The following FZD3 variants were observed in gnomAD, a reference collection of about 807,000 sequenced individuals.
FZD3 encodes frizzled class receptor 3.
In FZD3, 30 loss-of-function variants were observed where a neutral mutation model predicts 60.7. The ratio of observed to expected loss-of-function variants is 0.49; its 90% CI spans 0.37 to 0.67. The LOEUF is 0.67. Among genes scored for constraint, FZD3 ranks in the 30% least tolerant of loss-of-function variants. The pLI, the probability that FZD3 is intolerant of heterozygous loss-of-function variation, is 0.00. For synonymous variants in FZD3, 246 were observed against 275.2 expected (o/e 0.89, Z 1.05); for missense variants, 605 against 838.7 (o/e 0.72, Z 3.44).
rs764506016 is a variant in FZD3 at position 28,562,882 on chromosome 8, T to C, written c.1872T>C (p.Ser624=). ...GACTAACAGATCACTCCAGGCATAG[T>C]AGTTCTCATCGGCTCAATGAACAGT... ...MSRLTDHSRH[S]SSHRLNEQSR... The change falls in exon 8 of 8, where the codon AGT becomes AGC. Residue 624 remains serine (S), a synonymous_variant. Coordinates refer to ENST00000240093, the MANE Select transcript of FZD3 (RefSeq NM_017412.4). 53 of 1,613,392 alleles carry C rather than the reference T, an allele frequency of 3.3e-5. No homozygotes were observed. Among genetic ancestry groups the C allele is most frequent in the Non-Finnish European group, 4.2e-5 (50 of 1,179,492 alleles).
At chr8:28,550,989 C>T (rs1805398804) in intron 5 of FZD3, among the ~76,000 whole-genome samples, 1 of 152,112 alleles carries the variant, frequency 6.6e-6, no homozygotes, top group South Asian at 2.1e-4. Flanking sequence ...AGTTCATCTA[C>T]ATCACCACTG....
intron 5 of FZD3, among the ~76,000 whole-genome samples, chr8:28,541,312 G>A (rs934125487): frequency 2.6e-5 from 4 of 152,192 alleles, no homozygotes; most frequent in African/African-American, 9.7e-5. Context: ...GGGCAGTGCT[G>A]ACTTGTCTTT....
In FZD3 at chr8:28,567,606, G is replaced by A. The variant is rs1253728669; in HGVS notation, c.*4595G>A. On this transcript the variant is annotated 3_prime_UTR_variant, in exon 8 of 8. Transcript: ENST00000240093. ...TACCATTTGGTTTTGTTAGAATTTGGGGGGGCTATAGAAAACAAGGTTACA... is the reference window on the plus strand; with the variant it reads ...TACCATTTGGTTTTGTTAGAATTTGAGGGGGCTATAGAAAACAAGGTTACA... 3 of 152,106 alleles carry A rather than the reference G, an allele frequency of 2.0e-5. No homozygotes were observed. Among genetic ancestry groups the A allele is most frequent in the African/African-American group, 4.8e-5 (2 of 41,392 alleles). The allele number at this position is 152,106 out of a possible 1,614,324, so 9.4% of individuals were successfully genotyped here.
intron 5 of FZD3, among the ~76,000 whole-genome samples, chr8:28,535,881 A>C (rs1480208434): frequency 6.6e-6 from 1 of 152,164 alleles, no homozygotes; most frequent in Non-Finnish European, 1.5e-5. Flanking sequence ...CAGTTTTCAA[A>C]GATTCTTGAT....
chr8:28,506,629 G>A (rs1804148221), intron 3 of FZD3, among the ~76,000 whole-genome samples: 1 of 152,048 alleles, frequency 6.6e-6, no homozygotes, highest in Non-Finnish European at 1.5e-5. Context: ...AATGGTTTGT[G>A]TTTGCCTCCG....
Position 28,527,919 on chromosome 8 carries a change from G to A in FZD3, c.1159G>A (p.Val387Ile). ...CCTCTGCCTGTATGTGGTAGTTGGG[G>A]TTTCTCTCCTCTTAGCTGGCATTAT... The part of the protein sequence containing the change: ...APLCLYVVVG[V>I]SLLLAGIISL... The change falls in exon 5 of 8, where the codon GTT becomes ATT. Residue 387 changes from valine (V) to isoleucine (I), a missense_variant. Coordinates refer to ENST00000240093, the MANE Select transcript of FZD3 (RefSeq NM_017412.4). This position sits in a 1 kb window ranked among gnomAD's most constrained non-coding sequence, Gnocchi z 5.0. 6.2e-7 allele frequency: 1 copy of A among 1,614,036 alleles called. No individual in the cohort carries two copies. Among genetic ancestry groups the A allele is most frequent in the South Asian group, 1.1e-5 (1 of 91,084 alleles).
At chr8:28,532,763 A>G (rs888988232) in intron 5 of FZD3, among the ~76,000 whole-genome samples, 2 of 152,038 alleles carry the variant, frequency 1.3e-5, no homozygotes, top group African/African-American at 2.4e-5. Context: ...TTGAACTCCT[A>G]TTAGTTCTGA....
intron 5 of FZD3, among the ~76,000 whole-genome samples, chr8:28,550,002 C>T (rs1805374874): frequency 6.6e-6 from 1 of 152,016 alleles, no homozygotes; most frequent in Admixed American, 6.6e-5. Flanking sequence ...TTTATGGAGG[C>T]TTTGTTAAGT....
At chr8:28,521,236 CT>C (rs36001587) in intron 4 of FZD3, among the ~76,000 whole-genome samples, 1 of 151,974 alleles carries the variant, frequency 6.6e-6, no homozygotes, top group Non-Finnish European at 1.5e-5. Flanking sequence ...TCTGTCATTT[CT>C]TTTTTTCTGT....
intron 5 of FZD3, among the ~76,000 whole-genome samples, chr8:28,541,576 T>C (rs1805167982): frequency 6.6e-6 from 1 of 152,212 alleles, no homozygotes; most frequent in Admixed American, 6.5e-5. Flanking sequence ...GCTCTCTGTT[T>C]TCTTTCCTTT....
intron 7 of FZD3, among the ~76,000 whole-genome samples, chr8:28,560,641 A>G (rs974786502): frequency 1.3e-5 from 2 of 152,180 alleles, no homozygotes; most frequent in Non-Finnish European, 1.5e-5. Context: ...AGATAACTTT[A>G]TATCATTACT....
chr8:28,527,950 T>C lies in FZD3; in HGVS notation c.1190T>C (p.Leu397Pro), dbSNP rs748169720. ...CTCCTCTTAGCTGGCATTATATCCC[T>C]AAACAGAGTTCGAATTGAGATTCCA... ...VSLLLAGIISLNRVRIEIPLE... is the reference protein window; with the variant it reads ...VSLLLAGIISPNRVRIEIPLE... The change falls in exon 5 of 8, where the codon CTA becomes CCA. Residue 397 changes from leucine (L) to proline (P), a missense_variant. Coordinates refer to ENST00000240093, the MANE Select transcript of FZD3 (RefSeq NM_017412.4). This position sits in a 1 kb window ranked among gnomAD's most constrained non-coding sequence, Gnocchi z 5.0. 6.2e-7 allele frequency: 1 copy of C among 1,614,004 alleles called. No homozygotes were observed. The highest frequency in any genetic ancestry group is 1.7e-5 in the Admixed American group (1 of 60,000).
intron 4 of FZD3, among the ~76,000 whole-genome samples, chr8:28,521,670 T>C (rs532885155): frequency 2.0e-5 from 3 of 152,330 alleles, no homozygotes; most frequent in Non-Finnish European, 2.9e-5. Context: ...CCATGTTTGC[T>C]TATATACTCT....
rs1033006226 is a variant in FZD3, at chr8:28,572,375, G to A, written c.*9364G>A. 1 of 152,144 alleles carries A rather than the reference G, an allele frequency of 6.6e-6. No homozygotes were observed. The highest frequency in any genetic ancestry group is 2.4e-5 in the African/African-American group (1 of 41,436). The allele number at this position is 152,144 out of a possible 1,614,324, so 9.4% of individuals were successfully genotyped here. A position where few individuals can be genotyped will look rare whatever the true frequency, so the allele number is the denominator to read the frequency against. Reference sequence around the variant, plus strand: ...CCTATCAATATATCAGAGGCTTTATGAAGGAGACTCTACAGATAACCACAA... The same window carrying A: ...CCTATCAATATATCAGAGGCTTTATAAAGGAGACTCTACAGATAACCACAA... On this transcript the variant is annotated 3_prime_UTR_variant, in exon 8 of 8. Transcript: ENST00000240093.
At chr8:28,533,494 A>C (rs972043834) in intron 5 of FZD3, among the ~76,000 whole-genome samples, 5 of 152,244 alleles carry the variant, frequency 3.3e-5, no homozygotes, top group African/African-American at 1.2e-4. Flanking sequence ...TAGTTACTTT[A>C]AATTTAACCA....
At chr8:28,499,716 CA>C (rs1442652390) in intron 1 of FZD3, among the ~76,000 whole-genome samples, 1 of 151,878 alleles carries the variant, frequency 6.6e-6, no homozygotes, top group East Asian at 1.9e-4. Flanking sequence ...ATCTGGTTGG[CA>C]AAAAATCTTA....
intron 5 of FZD3, among the ~76,000 whole-genome samples, chr8:28,549,135 C>T (rs1417203576): frequency 2.0e-5 from 3 of 152,222 alleles, no homozygotes; most frequent in African/African-American, 7.2e-5. Context: ...TGTGTTCTCA[C>T]ATGGCCTTTC....
At position 28,569,494 on chromosome 8, in the gene FZD3, T is replaced by A. The variant is rs1013654029; in HGVS notation, c.*6483T>A. The A allele has an allele frequency of 6.6e-6, 1 of 152,014 alleles. No homozygotes were observed. The highest frequency in any genetic ancestry group is 2.4e-5 in the African/African-American group (1 of 41,396). 9.4% of individuals were successfully genotyped at this position (152,014 alleles called of 1,614,324 possible). The stretch of plus-strand genomic sequence containing the variant: ...AAATTCCGCCCAGCTCTCATTTGGT[T>A]CTCATTTGACCATTTTATAATCATT... On this transcript the variant is annotated 3_prime_UTR_variant, in exon 8 of 8. Coordinates refer to ENST00000240093, the MANE Select transcript of FZD3 (RefSeq NM_017412.4).
chr8:28,544,458 G>T (rs1046165686), intron 5 of FZD3, among the ~76,000 whole-genome samples: 11 of 151,966 alleles, frequency 7.2e-5, no homozygotes, highest in Admixed American at 5.9e-4. Context: ...ATATACTGTA[G>T]ATATTAAATA....
Sources: allele counts gnomAD v4.1 joint callset (sites outside exome capture counted in the v4.1 genomes callset), GRCh38; gene constraint gnomAD v4.1.1; non-coding constraint Gnocchi (gnomAD v3.1); transcripts MANE v1.5; gene names NCBI Gene and HGNC (gene_info 2026-07-23, HGNC 2026-07-21).